Variants in LRP1B observed in about 807,000 individuals in gnomAD.
The protein encoded by LRP1B is low-density lipoprotein receptor-related protein 1B.
A neutral mutation model predicts 556.6 loss-of-function variants in LRP1B; 217 were observed. The observed-to-expected ratio is 0.39, with a 90% CI of 0.35 to 0.44. The LOEUF (loss-of-function observed/expected upper bound fraction) is 0.44, where lower values mean the gene tolerates loss of function less well. Ranked by LOEUF, LRP1B falls within the 20% of genes least tolerant of loss-of-function variation. The pLI is 1.00. For missense variants in LRP1B, 5,053 were observed against 5,620.8 expected (o/e 0.90, Z 3.23); for synonymous variants, 2,047 against 1,865.8 (o/e 1.10, Z -2.50).
intron 43 of LRP1B, among the ~76,000 whole-genome samples, chr2:140,566,540 A>G (rs1280912545): frequency 6.6e-6 from 1 of 152,044 alleles, no homozygotes; most frequent in African/African-American, 2.4e-5. Flanking sequence ...GACACTTCAA[A>G]AACCCATCCC....
intron 18 of LRP1B, among the ~76,000 whole-genome samples, chr2:140,961,031 C>CA (rs140382045): frequency 0.039 from 5,906 of 151,842 alleles, 171 homozygotes; most frequent in East Asian, 0.14. Context: ...ATTAACTACT[C>CA]AAACACTGTA....
At chr2:142,046,213 G>A (rs1704253225) in intron 1 of LRP1B, among the ~76,000 whole-genome samples, 1 of 151,748 alleles carries the variant, frequency 6.6e-6, no homozygotes, top group South Asian at 2.1e-4. Context: ...AGGGTTGGGG[G>A]GCAGTTTCTA....
At chr2:141,106,938 T>C (rs7598110) in intron 7 of LRP1B, among the ~76,000 whole-genome samples, 54,815 of 151,948 alleles carry the variant, frequency 0.36, 10,379 homozygotes, top group East Asian at 0.66. Flanking sequence ...TTTTCAAGAA[T>C]GAGAGTTGTT....
intron 1 of LRP1B, among the ~76,000 whole-genome samples, chr2:142,020,350 G>A (rs1351038753): frequency 1.3e-5 from 2 of 152,172 alleles, no homozygotes; most frequent in African/African-American, 4.8e-5. Flanking sequence ...ACAGAGAAGA[G>A]TTTTGGAAGA....
Position 141,275,704 on chromosome 2 carries a change from C to A in LRP1B, c.344-21063G>T, listed in dbSNP as rs1685260276. Among the ~76,000 whole-genome samples, 3 of 152,076 alleles carry A rather than the reference C, an allele frequency of 2.0e-5. 1 individual carries two copies. The South Asian group carries it at 6.2e-4, about 32-fold the overall frequency. On this transcript the variant is annotated intron_variant, in intron 3 of 90. Transcript: ENST00000389484. Reference sequence around the variant, plus strand: ...CTCTAGGATGGATGACAGAGTGAGACCCTTTTTCAAAAAATAAAAGAAAAG... The same window carrying A: ...CTCTAGGATGGATGACAGAGTGAGAACCTTTTTCAAAAAATAAAAGAAAAG...
At chr2:140,969,948 C>G (rs1033579329) in intron 18 of LRP1B, among the ~76,000 whole-genome samples, 2 of 152,128 alleles carry the variant, frequency 1.3e-5, no homozygotes, top group South Asian at 2.1e-4. Context: ...CTCTGGCCGC[C>G]CTTAACATTT....
At chr2:141,746,645 G>GAA (rs201737852) in intron 2 of LRP1B, among the ~76,000 whole-genome samples, 4 of 147,150 alleles carry the variant, frequency 2.7e-5, no homozygotes, top group African/African-American at 1.0e-4. Context: ...TTTCTATGCA[G>GAA]AAAAAAAAAA....
chr2:140,841,600 T>C (rs1301588631), intron 29 of LRP1B, among the ~76,000 whole-genome samples: 2 of 152,178 alleles, frequency 1.3e-5, no homozygotes, highest in Non-Finnish European at 1.5e-5. Context: ...TTAAGAGGAA[T>C]TGACTGAGAA....
At chr2:142,017,774 C>A (rs1470155634) in intron 1 of LRP1B, among the ~76,000 whole-genome samples, 1 of 151,966 alleles carries the variant, frequency 6.6e-6, no homozygotes, top group Non-Finnish European at 1.5e-5. Flanking sequence ...ATGGTTCCAC[C>A]AGGAGGCCAA....
intron 1 of LRP1B, among the ~76,000 whole-genome samples, chr2:141,908,221 A>G (rs1166925428): frequency 2.0e-5 from 3 of 152,186 alleles, no homozygotes; most frequent in African/African-American, 7.2e-5. Flanking sequence ...TTCATTTGTC[A>G]TCATATGGTC....
At chr2:141,276,591 T>A (rs1251310245) in intron 3 of LRP1B, among the ~76,000 whole-genome samples, 1 of 152,080 alleles carries the variant, frequency 6.6e-6, no homozygotes, top group Non-Finnish European at 1.5e-5. Context: ...GATAATGGCC[T>A]CCAGCTCCAT....
intron 56 of LRP1B, among the ~76,000 whole-genome samples, chr2:140,495,259 CA>C (rs1235400304): frequency 6.6e-6 from 1 of 151,008 alleles, no homozygotes; most frequent in Non-Finnish European, 1.5e-5. Flanking sequence ...CAGTTTTAGC[CA>C]AACTTGCTCC....
intron 43 of LRP1B, among the ~76,000 whole-genome samples, chr2:140,555,004 A>G (rs563472630): frequency 2.0e-5 from 3 of 151,930 alleles, no homozygotes; most frequent in South Asian, 4.1e-4. Flanking sequence ...AACTATAGAC[A>G]TAATCTTCCC....
chr2:141,019,934 TCCA>T lies in LRP1B; in HGVS notation c.1955_1957del (p.Val652del). ...AAATATTGCATACCCATTAACTGGA[TCCA>T]CCACAATTCCTCTGGGATGAGACAT... On this transcript the variant is annotated inframe_deletion, in exon 12 of 91. Transcript: ENST00000389484. 6.3e-7 allele frequency: 1 copy of T among 1,596,226 alleles called. No homozygotes were observed. Among genetic ancestry groups the T allele is most frequent in the Non-Finnish European group, 8.5e-7 (1 of 1,170,476 alleles).
Position 140,759,857 on chromosome 2 carries a change from CACAAAT to C in LRP1B, c.5758+9350_5758+9355del, listed in dbSNP as rs1216472846. On this transcript the variant is annotated intron_variant, in intron 35 of 90. Transcript: ENST00000389484. ...AAAGGTGTGCATACAAATACAAATG[CACAAAT>C]ACAAATACACAATTTCCCAGGCAAT... Among the ~76,000 whole-genome samples, 9 of 152,106 alleles carry C rather than the reference CACAAAT, an allele frequency of 5.9e-5. No homozygotes were observed. In the East Asian group the frequency reaches 1.7e-3, roughly 29 times the overall value.
chr2:140,944,841 GGATT>G lies in LRP1B; in HGVS notation c.3136+5390_3136+5393del, dbSNP rs1695496276. On this transcript the variant is annotated intron_variant, in intron 20 of 90. Transcript: ENST00000389484. ...CAAAACCTGCAAGCATTTCCCCTAA[GGATT>G]GGAACAGGATGAGGATTTCTAATCT... Among the ~76,000 whole-genome samples, 8 of 152,120 alleles carry G rather than the reference GGATT, an allele frequency of 5.3e-5. 1 individual carries two copies. In the South Asian group the frequency reaches 1.7e-3, roughly 32 times the overall value.
intron 3 of LRP1B, among the ~76,000 whole-genome samples, chr2:141,410,723 G>A (rs528660985): frequency 6.6e-6 from 1 of 151,902 alleles, no homozygotes; most frequent in South Asian, 2.1e-4. Context: ...GATTATATGT[G>A]GCCCAAACAG....
At chr2:141,226,222 A>G (rs1416582114) in intron 6 of LRP1B, among the ~76,000 whole-genome samples, 1 of 152,028 alleles carries the variant, frequency 6.6e-6, no homozygotes, top group Non-Finnish European at 1.5e-5. Context: ...TTGCTTTTCT[A>G]GTGTAAAAGA....
At chr2:142,054,283 T>C (rs1279835815) in intron 1 of LRP1B, among the ~76,000 whole-genome samples, 3 of 152,260 alleles carry the variant, frequency 2.0e-5, no homozygotes, top group Admixed American at 1.3e-4. Flanking sequence ...ATAGTGGGTA[T>C]TGCTTAGAGT....
Sources: gnomAD v4.1 joint callset for allele counts (sites outside exome capture counted in the v4.1 genomes callset) on GRCh38, gnomAD v4.1.1 for gene constraint, MANE v1.5 for transcripts, NCBI Gene and HGNC (gene_info 2026-07-23, HGNC 2026-07-21) for gene names.